The following COL25A1 variants were observed in gnomAD, a reference collection of about 807,000 sequenced individuals.
COL25A1 encodes collagen type XXV alpha 1 chain.
In COL25A1, 103 loss-of-function variants were observed where a neutral mutation model predicts 128.4. The observed-to-expected ratio is 0.80, with a 90% CI of 0.68 to 0.94. The LOEUF is 0.94. COL25A1 is among the 40% of genes least tolerant of loss of function. The pLI, the probability that COL25A1 is intolerant of heterozygous loss-of-function variation, is 0.00. For synonymous variants in COL25A1, 279 were observed against 277.2 expected (o/e 1.01, Z -0.06); for missense variants, 745 against 840.0 (o/e 0.89, Z 1.40).
intron 3 of COL25A1, among the ~76,000 whole-genome samples, chr4:109,162,203 A>G (rs1772643415): frequency 6.6e-6 from 1 of 152,214 alleles, no homozygotes; most frequent in Non-Finnish European, 1.5e-5. Context: ...TTTGCATCAG[A>G]TTTTTAAGGA....
At chr4:108,840,039 C>T (rs890466536) in intron 31 of COL25A1, among the ~76,000 whole-genome samples, 12 of 151,660 alleles carry the variant, frequency 7.9e-5, no homozygotes, top group African/African-American at 2.9e-4. Flanking sequence ...GTCAGGAGTT[C>T]AAGACCAGCC....
intron 3 of COL25A1, among the ~76,000 whole-genome samples, chr4:109,216,272 AGG>A (rs994300817): frequency 8.4e-5 from 4 of 47,392 alleles, no homozygotes; most frequent in Admixed American, 5.6e-4. Context: ...AAGGAAAAAA[AGG>A]AAGGAAGGAA....
chr4:109,035,069 C>A (rs1240468914), intron 5 of COL25A1, among the ~76,000 whole-genome samples: 2 of 151,920 alleles, frequency 1.3e-5, no homozygotes, highest in East Asian at 3.9e-4. Flanking sequence ...AAAAGCATAC[C>A]CAGCATAGGG....
chr4:108,844,033 G>C (rs550805901), intron 30 of COL25A1, among the ~76,000 whole-genome samples: 1 of 152,112 alleles, frequency 6.6e-6, no homozygotes, highest in Non-Finnish European at 1.5e-5. Flanking sequence ...TGAGTAGCTG[G>C]GACTACAGGC....
chr4:108,861,501 T>C (rs1737220889), intron 22 of COL25A1, among the ~76,000 whole-genome samples: 1 of 152,156 alleles, frequency 6.6e-6, no homozygotes, highest in South Asian at 2.1e-4. Flanking sequence ...TCTGTAGGTA[T>C]AGGCATTTTA....
In COL25A1 at chr4:108,846,084, A is replaced by G. The variant is rs188398150; in HGVS notation, c.1515+55T>C. 9.7e-6 allele frequency: 11 copies of G among 1,138,106 alleles called. No homozygotes were observed. The East Asian group carries it at 2.4e-4, about 25-fold the overall frequency. The allele number at this position is 1,138,106 out of a possible 1,614,324, so 70.5% of individuals were successfully genotyped here. ...TAACTCTTTTCTGATTGTTTAATTT[A>G]TCTTAATAAGAACATAATATAAAAA... On this transcript the variant is annotated intron_variant, in intron 28 of 37. Coordinates refer to ENST00000399132, the MANE Select transcript of COL25A1 (RefSeq NM_198721.4).
chr4:109,082,111 C>T (rs1277361960), intron 3 of COL25A1, among the ~76,000 whole-genome samples: 1 of 152,146 alleles, frequency 6.6e-6, no homozygotes. Flanking sequence ...TTTCAAGATT[C>T]ATCCATGTTG....
At chr4:109,260,743 G>A (rs1781390967) in intron 3 of COL25A1, among the ~76,000 whole-genome samples, 1 of 152,092 alleles carries the variant, frequency 6.6e-6, no homozygotes, top group South Asian at 2.1e-4. Context: ...AAATCCGCAT[G>A]CCTCGGCCTC....
At chr4:109,299,435 T>C (rs973649254) in intron 3 of COL25A1, among the ~76,000 whole-genome samples, 6 of 152,322 alleles carry the variant, frequency 3.9e-5, no homozygotes, top group Non-Finnish European at 7.4e-5. Context: ...GATATAGCTC[T>C]ATTATGTTCA....
intron 3 of COL25A1, among the ~76,000 whole-genome samples, chr4:109,249,888 T>C (rs1172797247): frequency 6.6e-6 from 1 of 152,110 alleles, no homozygotes; most frequent in Admixed American, 6.6e-5. Context: ...ACTTTGCAAA[T>C]TCACCCCCAT....
chr4:108,899,034 T>A (rs997789208), intron 15 of COL25A1, 120 bp downstream of exon 15: 3 of 805,958 alleles, frequency 3.7e-6, no homozygotes, highest in African/African-American at 3.5e-5. Context: ...TACCTATTAA[T>A]CTACCCACCC....
intron 6 of COL25A1, among the ~76,000 whole-genome samples, chr4:108,992,249 T>C (rs1754301949): frequency 6.6e-6 from 1 of 152,190 alleles, no homozygotes; most frequent in African/African-American, 2.4e-5. Context: ...TTATGAGGCT[T>C]TGAAACTAAC....
intron 14 of COL25A1, among the ~76,000 whole-genome samples, chr4:108,899,477 G>A (rs1050116033): frequency 1.3e-5 from 2 of 152,108 alleles, no homozygotes; most frequent in Non-Finnish European, 2.9e-5. Context: ...GAATGATGGT[G>A]TGGCAATTCA....
intron 8 of COL25A1, among the ~76,000 whole-genome samples, chr4:108,952,831 C>CTTTTTTTTTTTTTTTTTTT (rs59761040): frequency 1.5e-5 from 1 of 66,958 alleles, no homozygotes; most frequent in Non-Finnish European, 2.7e-5. Flanking sequence ...AAAAACTCAA[C>CTTTTTTTTTTTTTTTTTTT]TTTTTTTTTT....
chr4:108,968,480 CT>C (rs57969304), intron 8 of COL25A1, among the ~76,000 whole-genome samples: 44,785 of 145,456 alleles, frequency 0.31, 7,093 homozygotes, highest in South Asian at 0.44. Context: ...ATTGGCCACT[CT>C]TTTTTTTTTT....
At chr4:108,917,687 G>A (rs375710345) in intron 13 of COL25A1, among the ~76,000 whole-genome samples, 1 of 152,090 alleles carries the variant, frequency 6.6e-6, no homozygotes, top group Non-Finnish European at 1.5e-5. Context: ...ATACCAAAGC[G>A]GGACAAATCT....
At chr4:109,129,799 T>C (rs1768996583) in intron 3 of COL25A1, among the ~76,000 whole-genome samples, 1 of 152,146 alleles carries the variant, frequency 6.6e-6, no homozygotes, top group South Asian at 2.1e-4. Context: ...ATTGTATAGA[T>C]TTGGCCAAGT....
At chr4:109,238,043 C>T (rs1267085986) in intron 3 of COL25A1, among the ~76,000 whole-genome samples, 2 of 151,970 alleles carry the variant, frequency 1.3e-5, no homozygotes, top group South Asian at 2.1e-4. Flanking sequence ...ATACATACTA[C>T]ATTTTGTTTA....
chr4:109,209,393 C>A (rs1315756258), intron 3 of COL25A1, among the ~76,000 whole-genome samples: 1 of 152,026 alleles, frequency 6.6e-6, no homozygotes, highest in Non-Finnish European at 1.5e-5. Flanking sequence ...CAGTCAACTC[C>A]TTCAGAGATG....
Sources: gnomAD v4.1 joint callset for allele counts (sites outside exome capture counted in the v4.1 genomes callset) on GRCh38, gnomAD v4.1.1 for gene constraint, MANE v1.5 for transcripts, NCBI Gene and HGNC (gene_info 2026-07-23, HGNC 2026-07-21) for gene names.